Variants in ARIH2 observed in about 807,000 individuals in gnomAD.
ARIH2 encodes the protein E3 ubiquitin-protein ligase ARIH2.
In ARIH2, 12 loss-of-function variants were observed where a neutral mutation model predicts 79.8. The ratio of observed to expected loss-of-function variants is 0.15; its 90% CI spans 0.10 to 0.24. The LOEUF (loss-of-function observed/expected upper bound fraction) is 0.24. ARIH2 is among the 10% of genes least tolerant of loss of function. The probability of loss-of-function intolerance (pLI) is 1.00; values close to 1 mark genes in which losing one functional copy is unlikely to be tolerated. For missense variants in ARIH2, 301 were observed against 618.3 expected (o/e 0.49, Z 5.44); for synonymous variants, 224 against 213.9 (o/e 1.05, Z -0.41).
intron 11 of ARIH2, among the ~76,000 whole-genome samples, chr3:48,975,803 T>TC (rs1201720525): frequency 6.6e-6 from 1 of 152,142 alleles, no homozygotes; most frequent in Non-Finnish European, 1.5e-5. Flanking sequence ...CCTCAGGTGA[T>TC]CTCCCTACCT....
In ARIH2 at chr3:48,921,339, T is replaced by TATGAA. The variant is rs541944946; in HGVS notation, c.-161-1405_-161-1401dup. The TATGAA allele has an allele frequency of 5.7e-5, 8 of 139,684 alleles. No individual in the cohort carries two copies. The East Asian group carries it at 1.6e-3, about 28-fold the overall frequency. The allele number at this position is 139,684 out of a possible 1,614,324, so 8.7% of individuals were successfully genotyped here. On this transcript the variant is annotated intron_variant, in intron 1 of 15. Transcript: ENST00000356401. The stretch of plus-strand genomic sequence containing the variant: ...TTAAATCTGCACCTAGAACATTTAG[T>TATGAA]ATGAAATGGAGTTCTCTCTCTTTTT...
intron 11 of ARIH2, among the ~76,000 whole-genome samples, chr3:48,978,208 G>A (rs1466152055): frequency 2.6e-5 from 4 of 151,266 alleles, no homozygotes; most frequent in African/African-American, 9.7e-5. Context: ...CCATTAGACT[G>A]CAGTAATTCT....
intron 3 of ARIH2, chr3:48,945,237 T>G (rs1230744953): frequency 7.8e-7 from 1 of 1,278,610 alleles, no homozygotes; most frequent in Non-Finnish European, 1.0e-6. Flanking sequence ...TTCTTTTTTC[T>G]GGGGGAAAAG....
intron 3 of ARIH2, among the ~76,000 whole-genome samples, chr3:48,953,091 G>A (rs1163137334): frequency 1.3e-5 from 2 of 151,900 alleles, no homozygotes; most frequent in African/African-American, 2.4e-5. Context: ...CACTATGCCC[G>A]GCTAATTTTT....
At chr3:48,938,138 G>C (rs2087449354) in intron 3 of ARIH2, among the ~76,000 whole-genome samples, 1 of 151,662 alleles carries the variant, frequency 6.6e-6, no homozygotes, top group Non-Finnish European at 1.5e-5. Context: ...TTTTGATGAT[G>C]TAGAGATGAC....
chr3:48,928,118 G>A (rs2085879056), intron 3 of ARIH2, among the ~76,000 whole-genome samples: 1 of 152,210 alleles, frequency 6.6e-6, no homozygotes, highest in Non-Finnish European at 1.5e-5. Context: ...GTTTCAGGAA[G>A]TGAGTTTTCA....
In ARIH2 at chr3:48,925,110, C is replaced by CT. The variant is rs943975619; in HGVS notation, c.-98+2306dup. The CT allele has an allele frequency of 4.0e-5, 6 of 149,774 alleles. No individual in the cohort carries two copies. In the Admixed American group the frequency reaches 4.0e-4, roughly 10 times the overall value. 9.3% of individuals were successfully genotyped at this position (149,774 alleles called of 1,614,324 possible). A position where few individuals can be genotyped will look rare whatever the true frequency, so the allele number is the denominator to read the frequency against. ...CTCCCAAAGTGCCGGGATTTTTTTT[C>CT]TTTTTTTCTTTTTTTTTTTTTGAGA... On this transcript the variant is annotated intron_variant, in intron 2 of 15. Coordinates refer to ENST00000356401, the MANE Select transcript of ARIH2 (RefSeq NM_006321.4).
intron 7 of ARIH2, among the ~76,000 whole-genome samples, chr3:48,970,189 G>A (rs201892931): frequency 2.6e-5 from 1 of 39,024 alleles, no homozygotes; most frequent in African/African-American, 1.9e-4. Flanking sequence ...ACCGCGCCCG[G>A]CCTTGTTATT....
chr3:48,938,502 CAT>C (rs1265891890), intron 3 of ARIH2, among the ~76,000 whole-genome samples: 8 of 151,550 alleles, frequency 5.3e-5, no homozygotes, highest in Non-Finnish European at 1.0e-4. Context: ...AGGGGAGAAA[CAT>C]AAAAACTTTA....
chr3:48,942,308 C>G (rs905699382), intron 3 of ARIH2, among the ~76,000 whole-genome samples: 1 of 152,110 alleles, frequency 6.6e-6, no homozygotes, highest in East Asian at 1.9e-4. Context: ...GCTTCAGCCT[C>G]CTGAAGTGTT....
At chr3:48,934,531 T>C (rs2086851935) in intron 3 of ARIH2, 1 of 985,298 alleles carries the variant, frequency 1.0e-6, no homozygotes. Flanking sequence ...CTGATTTCTA[T>C]TTTTGTGATC....
At chr3:48,981,805 T>A in intron 14 of ARIH2, 77 bp downstream of exon 14, 1 of 1,236,112 alleles carries the variant, frequency 8.1e-7, no homozygotes, top group Non-Finnish European at 1.2e-6. Context: ...TGCAGGAGAG[T>A]GAGGACCAGA....
At chr3:48,948,609 G>A (rs939737471) in intron 3 of ARIH2, among the ~76,000 whole-genome samples, 1 of 152,116 alleles carries the variant, frequency 6.6e-6, no homozygotes, top group African/African-American at 2.4e-5. Context: ...ATTTTAAAGT[G>A]TACCATTATT....
intron 3 of ARIH2, among the ~76,000 whole-genome samples, chr3:48,933,312 C>T (rs930146434): frequency 2.8e-5 from 4 of 143,014 alleles, no homozygotes; most frequent in East Asian, 2.1e-4. Context: ...ACCACATGCC[C>T]GGGGGTGTGT....
At chr3:48,924,831 G>T (rs1390799389) in intron 2 of ARIH2, 1 of 152,220 alleles carries the variant, frequency 6.6e-6, no homozygotes, top group Non-Finnish European at 1.5e-5. Flanking sequence ...TGAGTAGCTG[G>T]GATTACAGGT....
chr3:48,978,415 TTGTGTATG>T (rs745454192), intron 11 of ARIH2, among the ~76,000 whole-genome samples: 3,175 of 90,494 alleles, frequency 0.035, 83 homozygotes, highest in Middle Eastern at 0.065. Flanking sequence ...CCTGGCTAAT[TTGTGTATG>T]TGTGTGTGTG....
intron 15 of ARIH2, 80 bp downstream of exon 15, chr3:48,983,059 G>T (rs2092808011): frequency 1.3e-6 from 2 of 1,510,218 alleles, no homozygotes; most frequent in Non-Finnish European, 1.8e-6. Flanking sequence ...TTGTTGGCTT[G>T]TGCACTGGTA....
At chr3:48,965,735 C>T (rs1169691757) in intron 5 of ARIH2, among the ~76,000 whole-genome samples, 1 of 152,106 alleles carries the variant, frequency 6.6e-6, no homozygotes, top group Non-Finnish European at 1.5e-5. Context: ...CCGAGGCGGG[C>T]GGATCACTTG....
chr3:48,946,911 A>G (rs540916808), intron 3 of ARIH2, among the ~76,000 whole-genome samples: 22 of 152,144 alleles, frequency 1.4e-4, no homozygotes, highest in Admixed American at 9.8e-4. Flanking sequence ...CCACTTTTCT[A>G]CCTTGCTCAT....
Sources: gnomAD v4.1 joint callset for allele counts (sites outside exome capture counted in the v4.1 genomes callset) on GRCh38, gnomAD v4.1.1 for gene constraint, MANE v1.5 for transcripts, NCBI Gene and HGNC (gene_info 2026-07-23, HGNC 2026-07-21) for gene names.